Variants in PALS1 observed in about 807,000 individuals in gnomAD.
PALS1 encodes the protein protein PALS1.
PALS1 carries 31 observed loss-of-function variants against 78.9 expected under a neutral mutation model. The observed-to-expected ratio is 0.39, with a 90% CI of 0.30 to 0.53. The LOEUF is 0.53. PALS1 is among the 20% of genes least tolerant of loss of function. The pLI is 0.67. For missense variants in PALS1, 704 were observed against 826.5 expected (o/e 0.85, Z 1.82); for synonymous variants, 276 against 270.9 (o/e 1.02, Z -0.18).
At chr14:67,305,598 C>T (rs909924698) in intron 8 of PALS1, among the ~76,000 whole-genome samples, 1 of 152,194 alleles carries the variant, frequency 6.6e-6, no homozygotes, top group African/African-American at 2.4e-5. Context: ...GTTTTCTCAA[C>T]ATTTTTTTCC....
chr14:67,257,841 TACAC>T (rs962159262), intron 1 of PALS1, among the ~76,000 whole-genome samples: 8 of 152,172 alleles, frequency 5.3e-5, no homozygotes, highest in Non-Finnish European at 7.4e-5. Context: ...TTTTAAAAAA[TACAC>T]ACATAATTTT....
intron 8 of PALS1, 105 bp downstream of exon 8, chr14:67,303,704 A>G (rs1372683886): frequency 7.8e-6 from 6 of 768,940 alleles, no homozygotes; most frequent in Non-Finnish European, 1.3e-5. Context: ...ACTCAAATAA[A>G]TTCAATCATT....
intron 4 of PALS1, among the ~76,000 whole-genome samples, chr14:67,295,984 T>C (rs921229770): frequency 6.6e-6 from 1 of 152,034 alleles, no homozygotes; most frequent in Admixed American, 6.5e-5. Flanking sequence ...GCATTAGGCT[T>C]TTGCTGTGGA....
At chr14:67,279,970 A>T in intron 3 of PALS1, 1 of 156,762 alleles carries the variant, frequency 6.4e-6, no homozygotes. Flanking sequence ...TTGTCAATAA[A>T]AAGAACTGGT....
intron 3 of PALS1, among the ~76,000 whole-genome samples, chr14:67,284,427 C>T (rs1392381631): frequency 1.2e-5 from 1 of 82,232 alleles, no homozygotes; most frequent in Non-Finnish European, 1.8e-5. Flanking sequence ...GACCCTATCT[C>T]TTAAAAAAAA....
At chr14:67,302,231 T>G in intron 6 of PALS1, 113 bp downstream of exon 6, 5 of 1,261,584 alleles carry the variant, frequency 4.0e-6, no homozygotes, top group Non-Finnish European at 5.3e-6. Context: ...AAGCAGAAAG[T>G]GTGGGGGAAA....
At chr14:67,318,843 G>A (rs1200304185) in intron 11 of PALS1, among the ~76,000 whole-genome samples, 1 of 152,030 alleles carries the variant, frequency 6.6e-6, no homozygotes, top group Non-Finnish European at 1.5e-5. Flanking sequence ...GGATCACGAG[G>A]TCAGGAGATG....
At chr14:67,278,863 AT>A (rs1308573708) in intron 2 of PALS1, among the ~76,000 whole-genome samples, 154 bp from the exon 3 acceptor site, 1 of 152,170 alleles carries the variant, frequency 6.6e-6, no homozygotes, top group African/African-American at 2.4e-5. Flanking sequence ...TTTCCTCACC[AT>A]TATCTGTAAA....
chr14:67,320,956 A>G (rs1007346469), intron 12 of PALS1, 101 bp from the exon 13 acceptor site: 1 of 913,790 alleles, frequency 1.1e-6, no homozygotes, highest in African/African-American at 1.7e-5. Context: ...ATTATTTTAT[A>G]ATCTGTGTTA....
At chr14:67,325,551 A>G (rs763683727) in intron 14 of PALS1, among the ~76,000 whole-genome samples, 7 of 152,162 alleles carry the variant, frequency 4.6e-5, no homozygotes, top group Non-Finnish European at 8.8e-5. Context: ...GAGGATCACA[A>G]TATAACAAGA....
At chr14:67,327,435 CTT>C (rs201918032) in intron 14 of PALS1, among the ~76,000 whole-genome samples, 3 of 145,566 alleles carry the variant, frequency 2.1e-5, no homozygotes, top group Non-Finnish European at 4.6e-5. Context: ...GGACGGATCA[CTT>C]TTTTTTTTTC....
At chr14:67,313,546 GA>G (rs2085125592) in intron 9 of PALS1, among the ~76,000 whole-genome samples, 3 of 152,108 alleles carry the variant, frequency 2.0e-5, no homozygotes, top group Admixed American at 1.3e-4. Flanking sequence ...GATGGCAGTA[GA>G]ATAAAGAAAG....
rs575168360 is a variant in PALS1, at chr14:67,259,327, C to G, written c.-236-10374C>G. Among the ~76,000 whole-genome samples the G allele has an allele frequency of 2.2e-4, 33 of 151,870 alleles. 1 individual carries two copies. Among genetic ancestry groups the G allele is most frequent in the Admixed American group, 1.4e-3 (22 of 15,246 alleles). ...TGGACTACTTTTAAGTGAGTAAGGCCAGGCTGGGGGCGGTGGCTCACACCT... is the reference window on the plus strand; with the variant it reads ...TGGACTACTTTTAAGTGAGTAAGGCGAGGCTGGGGGCGGTGGCTCACACCT... On this transcript the variant is annotated intron_variant, in intron 1 of 14. Transcript: ENST00000261681.
rs542910977 is a variant in PALS1, at chr14:67,334,851, T to C, written c.*1895T>C. ...AGTTTTCCAGTTTACGTCTCAGGAA[T>C]GAAGTGTAGTCTATGGTTGACAATG... On this transcript the variant is annotated 3_prime_UTR_variant, in exon 15 of 15. Transcript: ENST00000261681. 6 of 152,248 alleles carry C rather than the reference T, an allele frequency of 3.9e-5. No individual in the cohort carries two copies. The highest frequency in any genetic ancestry group is 7.3e-5 in the Non-Finnish European group (5 of 68,032). The allele number at this position is 152,248 out of a possible 1,614,324, so 9.4% of individuals were successfully genotyped here. A position where few individuals can be genotyped will look rare whatever the true frequency, so the allele number is the denominator to read the frequency against.
intron 14 of PALS1, among the ~76,000 whole-genome samples, chr14:67,332,273 C>G (rs912485854): frequency 6.6e-6 from 1 of 152,150 alleles, no homozygotes; most frequent in African/African-American, 2.4e-5. Flanking sequence ...AAGTAGGCTA[C>G]TCTATATAGT....
intron 1 of PALS1, among the ~76,000 whole-genome samples, chr14:67,251,087 A>T (rs1412811444): frequency 6.6e-6 from 1 of 152,222 alleles, no homozygotes; most frequent in East Asian, 1.9e-4. Context: ...AAGTGATAGA[A>T]AGGAGTTGAA....
chr14:67,251,155 G>T (rs1329060939), intron 1 of PALS1, among the ~76,000 whole-genome samples: 2 of 152,176 alleles, frequency 1.3e-5, no homozygotes, highest in Non-Finnish European at 2.9e-5. Flanking sequence ...AATATAGCCT[G>T]CCTTAAGACT....
chr14:67,296,496 G>A (rs2084852424), intron 4 of PALS1, among the ~76,000 whole-genome samples: 1 of 147,334 alleles, frequency 6.8e-6, no homozygotes, highest in Admixed American at 7.0e-5. Context: ...CAGGAGAATG[G>A]CATGAACCCG....
intron 3 of PALS1, among the ~76,000 whole-genome samples, chr14:67,287,306 G>GT (rs75316443): frequency 0.17 from 26,035 of 149,184 alleles, 3,621 homozygotes; most frequent in East Asian, 0.42. Context: ...CATTTCCTTA[G>GT]TTTTTTTTTT....
Sources: allele counts gnomAD v4.1 joint callset (sites outside exome capture counted in the v4.1 genomes callset), GRCh38; gene constraint gnomAD v4.1.1; transcripts MANE v1.5; gene names NCBI Gene and HGNC (gene_info 2026-07-23, HGNC 2026-07-21).